The following PLPP3 variants were observed in gnomAD, a reference collection of about 807,000 sequenced individuals.
PLPP3 encodes the protein phospholipid phosphatase 3, also known as PAP2 beta.
PLPP3 carries 6 observed loss-of-function variants against 29.6 expected under a neutral mutation model. The ratio of observed to expected loss-of-function variants is 0.20; its 90% CI spans 0.11 to 0.40. PLPP3 has a LOEUF of 0.40. PLPP3 is among the 10% of genes least tolerant of loss of function. PLPP3 has a pLI of 1.00. For synonymous variants in PLPP3, 152 were observed against 159.7 expected (o/e 0.95, Z 0.36); for missense variants, 308 against 407.7 (o/e 0.76, Z 2.11).
chr1:56,496,421 T>G lies in PLPP3; in HGVS notation c.*130A>C. ...GGAAGGCCACATAGTAAAACATTTT[T>G]TTTTTCCTTTTTAAAAATCAGTCGG... On this transcript the variant is annotated 3_prime_UTR_variant, in exon 6 of 6. Coordinates refer to ENST00000371250, the MANE Select transcript of PLPP3 (RefSeq NM_003713.5). 3 of 1,203,632 alleles carry G rather than the reference T, an allele frequency of 2.5e-6. No homozygotes were observed. The highest frequency in any genetic ancestry group is 3.5e-6 in the Non-Finnish European group (3 of 865,768). The allele number at this position is 1,203,632 out of a possible 1,614,324, so 74.6% of individuals were successfully genotyped here. A position where few individuals can be genotyped will look rare whatever the true frequency, so the allele number is the denominator to read the frequency against.
In PLPP3 at chr1:56,579,042, C is replaced by G. The variant is rs1646258599; in HGVS notation, c.-26G>C. The G allele has an allele frequency of 1.9e-6, 3 of 1,576,654 alleles. No homozygotes were observed. The highest frequency in any genetic ancestry group is 2.6e-6 in the Non-Finnish European group (3 of 1,166,072). On this transcript the variant is annotated 5_prime_UTR_variant, in exon 1 of 6. Coordinates refer to ENST00000371250, the MANE Select transcript of PLPP3 (RefSeq NM_003713.5). ...GGCGCTGGCTGCGGCGCGAGCCTCCCGCCCCGCGAAGACGTCCCGCAACAG... is the reference window on the plus strand; with the variant it reads ...GGCGCTGGCTGCGGCGCGAGCCTCCGGCCCCGCGAAGACGTCCCGCAACAG...
intron 1 of PLPP3, among the ~76,000 whole-genome samples, chr1:56,563,568 C>T (rs1646143766): frequency 6.6e-6 from 1 of 152,206 alleles, no homozygotes; most frequent in South Asian, 2.1e-4. Context: ...GAGATTCTCT[C>T]TGATATATTT....
At chr1:56,537,579 G>A (rs915312616) in intron 1 of PLPP3, among the ~76,000 whole-genome samples, 7 of 152,084 alleles carry the variant, frequency 4.6e-5, no homozygotes, top group Non-Finnish European at 1.5e-5. Context: ...AAAAAATCTG[G>A]ATGTGAACCC....
At chr1:56,553,649 T>C (rs1274177374) in intron 1 of PLPP3, among the ~76,000 whole-genome samples, 1 of 152,186 alleles carries the variant, frequency 6.6e-6, no homozygotes, top group African/African-American at 2.4e-5. Context: ...CCTCAGGTTA[T>C]CTTAACACAT....
chr1:56,532,631 T>C (rs1645897454), intron 2 of PLPP3, among the ~76,000 whole-genome samples: 1 of 152,136 alleles, frequency 6.6e-6, no homozygotes, highest in South Asian at 2.1e-4. Context: ...TCCTGGAGCA[T>C]AGTTGAGATT....
chr1:56,546,379 G>A (rs1438707061), intron 1 of PLPP3, among the ~76,000 whole-genome samples: 1 of 152,208 alleles, frequency 6.6e-6, no homozygotes, highest in Non-Finnish European at 1.5e-5. Context: ...TAGAGAGTAA[G>A]AGTCCTTGGT....
At chr1:56,549,773 C>T (rs943661405) in intron 1 of PLPP3, among the ~76,000 whole-genome samples, 2 of 152,128 alleles carry the variant, frequency 1.3e-5, no homozygotes, top group African/African-American at 2.4e-5. Context: ...GAAAACACCC[C>T]AAAATCTGCA....
chr1:56,554,480 G>A (rs1002382066), intron 1 of PLPP3, among the ~76,000 whole-genome samples: 2 of 151,534 alleles, frequency 1.3e-5, no homozygotes, highest in African/African-American at 4.9e-5. Flanking sequence ...GCTGAGGCAG[G>A]AGAATGGCGT....
chr1:56,515,121 G>A (rs2100236815), intron 4 of PLPP3, among the ~76,000 whole-genome samples: 1 of 152,226 alleles, frequency 6.6e-6, no homozygotes, highest in East Asian at 1.9e-4. Flanking sequence ...AAACCTCCCT[G>A]AGCCTCCATT....
chr1:56,579,043 G>C lies in PLPP3; in HGVS notation c.-27C>G. Reference sequence around the variant, plus strand: ...GCGCTGGCTGCGGCGCGAGCCTCCCGCCCCGCGAAGACGTCCCGCAACAGC... The same window carrying C: ...GCGCTGGCTGCGGCGCGAGCCTCCCCCCCCGCGAAGACGTCCCGCAACAGC... On this transcript the variant is annotated 5_prime_UTR_variant, in exon 1 of 6. Coordinates refer to ENST00000371250, the MANE Select transcript of PLPP3 (RefSeq NM_003713.5). 3 of 1,575,964 alleles carry C rather than the reference G, an allele frequency of 1.9e-6. No homozygotes were observed. The highest frequency in any genetic ancestry group is 1.1e-5 in the South Asian group (1 of 88,390).
chr1:56,519,477 G>A (rs575182159), intron 4 of PLPP3, among the ~76,000 whole-genome samples: 3 of 152,138 alleles, frequency 2.0e-5, no homozygotes, highest in Non-Finnish European at 4.4e-5. Flanking sequence ...CTGGTGCTTG[G>A]TGCATCATAG....
intron 1 of PLPP3, among the ~76,000 whole-genome samples, chr1:56,544,846 A>G (rs1557509459): frequency 1.3e-5 from 2 of 152,206 alleles, no homozygotes; most frequent in Non-Finnish European, 2.9e-5. Flanking sequence ...ATGGAACCAT[A>G]CAGATCCAGC....
At chr1:56,509,785 C>T (rs989449350) in intron 5 of PLPP3, among the ~76,000 whole-genome samples, 2 of 137,906 alleles carry the variant, frequency 1.5e-5, no homozygotes, top group African/African-American at 5.4e-5. Flanking sequence ...TGCAGTGAGC[C>T]GAGATCGTGC....
chr1:56,570,515 T>G (rs1272191825), intron 1 of PLPP3, among the ~76,000 whole-genome samples: 3 of 152,234 alleles, frequency 2.0e-5, no homozygotes, highest in Non-Finnish European at 2.9e-5. Flanking sequence ...TGCGTTGTTT[T>G]GTTTGGTTTG....
rs754964573 is a variant in PLPP3 at position 56,556,210 on chromosome 1, G to A, written c.140-19098C>T. Among the ~76,000 whole-genome samples, 6 of 152,192 alleles carry A rather than the reference G, an allele frequency of 3.9e-5. No homozygotes were observed. The East Asian group carries it at 1.2e-3, about 29-fold the overall frequency. On this transcript the variant is annotated intron_variant, in intron 1 of 5. Transcript: ENST00000371250. ...AGAGTATGAAGTTATTTGGAGATAGGGTCTTCATAGAGGTTAAAGTGAGGG... is the reference window on the plus strand; with the variant it reads ...AGAGTATGAAGTTATTTGGAGATAGAGTCTTCATAGAGGTTAAAGTGAGGG...
chr1:56,561,698 A>T (rs1646129823), intron 1 of PLPP3, among the ~76,000 whole-genome samples: 2 of 152,222 alleles, frequency 1.3e-5, no homozygotes, highest in South Asian at 4.1e-4. Context: ...GAGATTTCAG[A>T]GAGGAGGCAG....
chr1:56,540,472 G>A (rs1645960816), intron 1 of PLPP3, among the ~76,000 whole-genome samples: 1 of 151,992 alleles, frequency 6.6e-6, no homozygotes, highest in South Asian at 2.1e-4. Context: ...GAAGGCAAGG[G>A]AAAAAAATCT....
chr1:56,558,679 A>C (rs1269824268), intron 1 of PLPP3, among the ~76,000 whole-genome samples: 1 of 152,224 alleles, frequency 6.6e-6, no homozygotes, highest in Non-Finnish European at 1.5e-5. Context: ...CAGGTGAGGA[A>C]ACTCAAGTTT....
chr1:56,554,944 A>AT lies in PLPP3; in HGVS notation c.140-17833dup, dbSNP rs907671272. Among the ~76,000 whole-genome samples the AT allele has an allele frequency of 3.6e-4, 55 of 151,282 alleles. 1 individual carries two copies. The highest frequency in any genetic ancestry group is 1.2e-3 in the African/African-American group (49 of 41,200). On this transcript the variant is annotated intron_variant, in intron 1 of 5. Coordinates refer to ENST00000371250, the MANE Select transcript of PLPP3 (RefSeq NM_003713.5). ...AGTATTTTTCACTCTCCCTTCATTC[A>AT]TTTTTTTTTCCCAATAAATATTTAT... is the stretch of plus-strand genomic sequence containing the variant.
Sources: allele counts gnomAD v4.1 joint callset (sites outside exome capture counted in the v4.1 genomes callset), GRCh38; gene constraint gnomAD v4.1.1; transcripts MANE v1.5; gene names NCBI Gene and HGNC (gene_info 2026-07-23, HGNC 2026-07-21).